The following BBS9 variants were observed in gnomAD, a reference collection of about 807,000 sequenced individuals.
The protein encoded by BBS9 is Bardet-Biedl syndrome 9.
In BBS9, 89 loss-of-function variants were observed where a neutral mutation model predicts 117.7. The observed-to-expected ratio is 0.76, with a 90% CI of 0.64 to 0.90. The LOEUF (loss-of-function observed/expected upper bound fraction) is 0.90, where lower values mean the gene tolerates loss of function less well. Ranked by LOEUF, BBS9 falls within the 40% of genes least tolerant of loss-of-function variation. The probability of loss-of-function intolerance (pLI) is 0.00; values close to 1 mark genes in which losing one functional copy is unlikely to be tolerated. For missense variants in BBS9, 982 were observed against 1,042.2 expected (o/e 0.94, Z 0.80); for synonymous variants, 379 against 370.9 (o/e 1.02, Z -0.25).
intron 19 of BBS9, among the ~76,000 whole-genome samples, chr7:33,479,529 T>C (rs1172115504): frequency 6.6e-6 from 1 of 152,226 alleles, no homozygotes; most frequent in Non-Finnish European, 1.5e-5. Flanking sequence ...GCACCTGCAT[T>C]GATTCCATGT....
At chr7:33,553,213 T>C (rs1854734864) in intron 21 of BBS9, among the ~76,000 whole-genome samples, 1 of 152,216 alleles carries the variant, frequency 6.6e-6, no homozygotes, top group Non-Finnish European at 1.5e-5. Flanking sequence ...TTTTTCTTTA[T>C]AGCTGAAGCA....
chr7:33,326,956 A>G (rs1812984993), intron 9 of BBS9, among the ~76,000 whole-genome samples: 1 of 151,858 alleles, frequency 6.6e-6, no homozygotes, highest in Non-Finnish European at 1.5e-5. Flanking sequence ...GTTCGGGGAA[A>G]GGTGGTGCAA....
At chr7:33,218,983 G>A (rs1009896537) in intron 5 of BBS9, among the ~76,000 whole-genome samples, 21 of 152,194 alleles carry the variant, frequency 1.4e-4, no homozygotes, top group East Asian at 1.2e-3. Context: ...AGGGAGAGGC[G>A]CGAGCGGGAA....
intron 6 of BBS9, among the ~76,000 whole-genome samples, chr7:33,259,474 C>T (rs534837611): frequency 7.9e-5 from 12 of 152,024 alleles, no homozygotes; most frequent in Non-Finnish European, 1.3e-4. Context: ...CCAGATCAAT[C>T]TAATTCAGGG....
chr7:33,256,485 T>C (rs201852521), intron 5 of BBS9, among the ~76,000 whole-genome samples: 6 of 122,764 alleles, frequency 4.9e-5, no homozygotes, highest in Non-Finnish European at 4.2e-5. Flanking sequence ...TCTCTCTCTT[T>C]TTTTCTTTTT....
Position 33,288,061 on chromosome 7 carries a change from TGTGCA to T in BBS9, c.1016+14108_1016+14112del, listed in dbSNP as rs1309314154. 2.0e-5 allele frequency among the ~76,000 whole-genome samples: 3 copies of T among 152,232 alleles called. No homozygotes were observed. The East Asian group carries it at 5.8e-4, about 30-fold the overall frequency. ...ATGGAAAATTCTGTCTCCTGAAACA[TGTGCA>T]GTAAGGGGAACAAAGCAATATGGAT... On this transcript the variant is annotated intron_variant, in intron 9 of 22. Coordinates refer to ENST00000242067, the MANE Select transcript of BBS9 (RefSeq NM_198428.3).
At chr7:33,279,935 G>A (rs1801495859) in intron 9 of BBS9, among the ~76,000 whole-genome samples, 1 of 152,162 alleles carries the variant, frequency 6.6e-6, no homozygotes, top group African/African-American at 2.4e-5. Flanking sequence ...ATATCTACAA[G>A]TGTGGAAGTC....
rs891720862 is a variant in BBS9, at chr7:33,452,774, G to C, written c.2116-52689G>C. 3.3e-5 allele frequency among the ~76,000 whole-genome samples: 5 copies of C among 152,168 alleles called. No homozygotes were observed. The East Asian group carries it at 9.6e-4, about 29-fold the overall frequency. ...GTAGCAACAGTGGGAAGTAACCACT[G>C]ATAGTGTAATCAGAAGAAAGAGAAC... is the stretch of plus-strand genomic sequence containing the variant. On this transcript the variant is annotated intron_variant, in intron 19 of 22. Coordinates refer to ENST00000242067, the MANE Select transcript of BBS9 (RefSeq NM_198428.3).
intron 21 of BBS9, among the ~76,000 whole-genome samples, chr7:33,632,112 A>AG (rs1401320882): frequency 6.6e-6 from 1 of 152,196 alleles, no homozygotes; most frequent in African/African-American, 2.4e-5. Context: ...ATATGGCATA[A>AG]GGAGAACGGG....
intron 9 of BBS9, chr7:33,314,239 CTT>C (rs112214479): frequency 1.3e-3 from 460 of 346,704 alleles, no homozygotes; most frequent in South Asian, 1.8e-3. Flanking sequence ...AATTTCCTTT[CTT>C]TTTTTTTTTT....
chr7:33,275,145 T>G (rs570437122), intron 9 of BBS9, among the ~76,000 whole-genome samples: 17 of 152,140 alleles, frequency 1.1e-4, no homozygotes, highest in Admixed American at 2.0e-4. Context: ...TGCATCAGTG[T>G]TTTATCTAAA....
intron 12 of BBS9, among the ~76,000 whole-genome samples, chr7:33,348,245 A>T (rs1442310370): frequency 6.6e-6 from 1 of 152,220 alleles, no homozygotes; most frequent in Middle Eastern, 3.4e-3. Context: ...ATCATACAAT[A>T]TGTGGTTCTT....
At chr7:33,523,269 T>C (rs1374664449) in intron 20 of BBS9, among the ~76,000 whole-genome samples, 1 of 146,642 alleles carries the variant, frequency 6.8e-6, no homozygotes, top group Non-Finnish European at 1.5e-5. Context: ...AAGTAGTTTT[T>C]TCCAATTCTG....
intron 21 of BBS9, among the ~76,000 whole-genome samples, chr7:33,613,634 AT>A (rs1049202960): frequency 2.0e-5 from 3 of 151,992 alleles, no homozygotes; most frequent in Non-Finnish European, 4.4e-5. Flanking sequence ...TTAAGTGGAT[AT>A]TTTTTGATCC....
At chr7:33,442,863 A>G (rs920570752) in intron 19 of BBS9, among the ~76,000 whole-genome samples, 2 of 152,082 alleles carry the variant, frequency 1.3e-5, no homozygotes, top group Admixed American at 6.5e-5. Flanking sequence ...TCCTTGTCCA[A>G]TTTTCACACT....
At chr7:33,435,465 A>C (rs1469818131) in intron 19 of BBS9, among the ~76,000 whole-genome samples, 1 of 152,136 alleles carries the variant, frequency 6.6e-6, no homozygotes, top group Non-Finnish European at 1.5e-5. Flanking sequence ...TCCTTAATAA[A>C]AGTGTGTTAA....
At position 33,383,882 on chromosome 7, in the gene BBS9, A is replaced by G. The variant is rs565025509; in HGVS notation, c.1962+44A>G. 22 of 1,576,660 alleles carry G rather than the reference A, an allele frequency of 1.4e-5. 1 individual carries two copies. In the Admixed American group the frequency reaches 2.4e-4, roughly 17 times the overall value. Reference sequence around the variant, plus strand: ...CACATCATCTATAATCCTTAAATATATGAAAGAGAAATAGATGCTATAGAA... The same window carrying G: ...CACATCATCTATAATCCTTAAATATGTGAAAGAGAAATAGATGCTATAGAA... On this transcript the variant is annotated intron_variant, in intron 18 of 22. Coordinates refer to ENST00000242067, the MANE Select transcript of BBS9 (RefSeq NM_198428.3).
intron 19 of BBS9, among the ~76,000 whole-genome samples, chr7:33,428,524 A>C (rs1430232902): frequency 1.3e-5 from 2 of 152,150 alleles, no homozygotes; most frequent in Admixed American, 1.3e-4. Context: ...ACAGGAGATA[A>C]TTATTCTTTT....
intron 6 of BBS9, among the ~76,000 whole-genome samples, chr7:33,259,421 G>A (rs1042250373): frequency 3.3e-5 from 5 of 152,096 alleles, no homozygotes; most frequent in African/African-American, 1.2e-4. Context: ...CTTTTAATAG[G>A]TTAGGGGATA....
Sources: gnomAD v4.1 joint callset for allele counts (sites outside exome capture counted in the v4.1 genomes callset) on GRCh38, gnomAD v4.1.1 for gene constraint, MANE v1.5 for transcripts, NCBI Gene and HGNC (gene_info 2026-07-23, HGNC 2026-07-21) for gene names.